SLIT3: variants seen among roughly 807,000 people sequenced by gnomAD.
SLIT3 encodes the protein slit guidance ligand 3, also known as slit homolog 3 protein.
In SLIT3, 68 loss-of-function variants were observed where a neutral mutation model predicts 184.0. The observed-to-expected ratio is 0.37, with a 90% CI of 0.30 to 0.45. The LOEUF is 0.45. SLIT3 is among the 20% of genes least tolerant of loss of function. The pLI is 1.00. For missense variants in SLIT3, 1,707 were observed against 2,026.0 expected (o/e 0.84, Z 3.02); for synonymous variants, 831 against 828.6 (o/e 1.00, Z -0.05).
chr5:169,143,525 G>A (rs1341610679), intron 4 of SLIT3, among the ~76,000 whole-genome samples: 1 of 152,252 alleles, frequency 6.6e-6, no homozygotes, highest in Non-Finnish European at 1.5e-5. Flanking sequence ...TTGGCCGGGT[G>A]CAGTGGCTCA....
At chr5:168,824,935 C>T (rs775149440) in intron 6 of SLIT3, among the ~76,000 whole-genome samples, 11 of 152,226 alleles carry the variant, frequency 7.2e-5, no homozygotes, top group East Asian at 1.9e-4. Context: ...CTACATCATA[C>T]GTCTGCAAAG....
Position 168,731,508 on chromosome 5 carries a change from A to G in SLIT3, c.2271-7024T>C, listed in dbSNP as rs566519808. 2.0e-5 allele frequency among the ~76,000 whole-genome samples: 3 copies of G among 152,206 alleles called. No homozygotes were observed. The South Asian group carries it at 6.2e-4, about 32-fold the overall frequency. ...AGACAAGGACACAATGAAAAAAGAA[A>G]ACTACAGGCTAACATCCTGAATGGA... On this transcript the variant is annotated intron_variant, in intron 20 of 35. Coordinates refer to ENST00000519560, the MANE Select transcript of SLIT3 (RefSeq NM_003062.4).
intron 2 of SLIT3, among the ~76,000 whole-genome samples, chr5:169,246,243 G>T (rs1765585627): frequency 6.6e-6 from 1 of 152,188 alleles, no homozygotes; most frequent in African/African-American, 2.4e-5. Context: ...CCCACAGTTT[G>T]CCATGTCCTC....
intron 4 of SLIT3, among the ~76,000 whole-genome samples, chr5:169,114,478 C>T (rs1760572631): frequency 6.6e-6 from 1 of 152,206 alleles, no homozygotes; most frequent in African/African-American, 2.4e-5. Context: ...GACTTAGGAA[C>T]AAGCCTTAGC....
intron 5 of SLIT3, among the ~76,000 whole-genome samples, chr5:168,858,681 C>G (rs1245646650): frequency 6.6e-5 from 10 of 152,234 alleles, no homozygotes; most frequent in Non-Finnish European, 1.5e-5. Context: ...CTGATGGATA[C>G]AAATGGATGA....
chr5:168,711,100 G>T, intron 24 of SLIT3, 42 bp from the exon 25 acceptor site: 1 of 1,489,800 alleles, frequency 6.7e-7, no homozygotes, highest in Non-Finnish European at 9.0e-7. Flanking sequence ...TGCCCAGCTT[G>T]GCCAGTAGCC....
chr5:169,124,116 A>C (rs1439554099), intron 4 of SLIT3, among the ~76,000 whole-genome samples: 1 of 152,132 alleles, frequency 6.6e-6, no homozygotes, highest in African/African-American at 2.4e-5. Flanking sequence ...TAAAATCTGT[A>C]AAGGGCCCCC....
chr5:169,174,943 C>A (rs1293341847), intron 4 of SLIT3, among the ~76,000 whole-genome samples: 3 of 83,522 alleles, frequency 3.6e-5, no homozygotes, highest in Non-Finnish European at 7.2e-5. Context: ...ATACCCTTTG[C>A]TCTTTTCACA....
intron 6 of SLIT3, among the ~76,000 whole-genome samples, chr5:168,843,931 G>C (rs2113712661): frequency 6.6e-6 from 1 of 152,258 alleles, no homozygotes; most frequent in East Asian, 1.9e-4. Context: ...GTATAGGGTA[G>C]GATTTTGGGG....
intron 4 of SLIT3, among the ~76,000 whole-genome samples, chr5:168,907,969 T>TAGAG (rs1426074287): frequency 4.1e-3 from 316 of 76,608 alleles, no homozygotes; most frequent in Middle Eastern, 9.1e-3. Flanking sequence ...TATATATATA[T>TAGAG]ATATATATAT....
At chr5:169,107,497 G>A (rs972118207) in intron 4 of SLIT3, among the ~76,000 whole-genome samples, 2 of 152,218 alleles carry the variant, frequency 1.3e-5, no homozygotes, top group Admixed American at 6.5e-5. Flanking sequence ...TTTGTGCTTT[G>A]AACATGGTGA....
chr5:168,868,578 T>C (rs2113761605), intron 5 of SLIT3, among the ~76,000 whole-genome samples: 1 of 151,698 alleles, frequency 6.6e-6, no homozygotes. Context: ...TGAAACCCTG[T>C]CTCTACTAAA....
chr5:168,870,602 A>G (rs1422460432), intron 5 of SLIT3, among the ~76,000 whole-genome samples: 1 of 152,170 alleles, frequency 6.6e-6, no homozygotes, highest in Non-Finnish European at 1.5e-5. Flanking sequence ...ATTTTACCTC[A>G]ATGACAAAAC....
At chr5:168,956,287 T>A (rs1300306622) in intron 4 of SLIT3, among the ~76,000 whole-genome samples, 1 of 152,140 alleles carries the variant, frequency 6.6e-6, no homozygotes, top group Non-Finnish European at 1.5e-5. Flanking sequence ...AAAAGGCCAG[T>A]AGCATCTCTG....
At chr5:169,264,421 ACC>A (rs1421231003) in intron 1 of SLIT3, among the ~76,000 whole-genome samples, 1 of 151,738 alleles carries the variant, frequency 6.6e-6, no homozygotes, top group Non-Finnish European at 1.5e-5. Context: ...CTGACCTCAA[ACC>A]CACCTCAGCC....
chr5:169,207,075 G>A (rs1489841073), intron 3 of SLIT3, among the ~76,000 whole-genome samples: 4 of 150,662 alleles, frequency 2.7e-5, no homozygotes, highest in Admixed American at 6.6e-5. Flanking sequence ...TTTCCAGCAC[G>A]GGAAGGATTT....
chr5:168,919,248 A>C (rs867035710), intron 4 of SLIT3, among the ~76,000 whole-genome samples: 2 of 149,262 alleles, frequency 1.3e-5, no homozygotes, highest in Admixed American at 6.7e-5. Context: ...GGACACAGCG[A>C]GACTCCATCT....
At chr5:169,044,899 A>AT (rs1037827365) in intron 4 of SLIT3, among the ~76,000 whole-genome samples, 5 of 152,148 alleles carry the variant, frequency 3.3e-5, no homozygotes, top group Admixed American at 6.5e-5. Flanking sequence ...TTATTGCTGC[A>AT]TTTTTTGATC....
At chr5:169,074,413 A>G (rs1758662572) in intron 4 of SLIT3, among the ~76,000 whole-genome samples, 1 of 152,130 alleles carries the variant, frequency 6.6e-6, no homozygotes, top group South Asian at 2.1e-4. Flanking sequence ...ATTAATAATA[A>G]CAGTAGTAGT....
Sources: gnomAD v4.1 joint callset for allele counts (sites outside exome capture counted in the v4.1 genomes callset) on GRCh38, gnomAD v4.1.1 for gene constraint, MANE v1.5 for transcripts, NCBI Gene and HGNC (gene_info 2026-07-23, HGNC 2026-07-21) for gene names.